Variants in DCBLD1 observed in about 807,000 individuals in gnomAD.
DCBLD1 encodes discoidin, CUB and LCCL domain containing 1.
DCBLD1 carries 57 observed loss-of-function variants against 71.5 expected under a neutral mutation model. The ratio of observed to expected loss-of-function variants is 0.80; its 90% CI spans 0.64 to 0.99. The LOEUF is 0.99. Ranked by LOEUF, DCBLD1 falls within the 50% of genes least tolerant of loss-of-function variation. The probability of loss-of-function intolerance (pLI) is 0.00; values close to 1 mark genes in which losing one functional copy is unlikely to be tolerated. For synonymous variants in DCBLD1, 380 were observed against 363.8 expected (o/e 1.04, Z -0.51); for missense variants, 891 against 923.5 (o/e 0.96, Z 0.46).
At chr6:117,569,798 C>T (rs1278174287) in exon 15 of DCBLD1, 5 of 1,444,126 alleles carry the variant, frequency 3.5e-6, no homozygotes, top group Non-Finnish European at 4.6e-6. Flanking sequence ...ACCGATTAAT[C>T]TAGAGATAAA....
intron 14 of DCBLD1, chr6:117,561,609 C>T (rs540125723): frequency 1.5e-5 from 3 of 204,968 alleles, no homozygotes; most frequent in African/African-American, 6.8e-5. Context: ...AAGAGGCCTA[C>T]CCTGTCAAGA....
At chr6:117,529,745 G>T (rs1159441210) in intron 5 of DCBLD1, among the ~76,000 whole-genome samples, 1 of 152,134 alleles carries the variant, frequency 6.6e-6, no homozygotes, top group African/African-American at 2.4e-5. Context: ...AGTGAGACTT[G>T]ATGGCTAGTC....
chr6:117,569,094 C>T (rs758258641), intron 14 of DCBLD1, among the ~76,000 whole-genome samples: 13 of 152,276 alleles, frequency 8.5e-5, no homozygotes, highest in Non-Finnish European at 1.8e-4. Flanking sequence ...TCGCTAAGAA[C>T]TTTAGTTTAC....
At chr6:117,538,190 T>TGG in intron 7 of DCBLD1, among the ~76,000 whole-genome samples, 1 of 152,214 alleles carries the variant, frequency 6.6e-6, no homozygotes, top group Non-Finnish European at 1.5e-5. Context: ...TTACTGATGT[T>TGG]CAGACGACTT....
intron 14 of DCBLD1, among the ~76,000 whole-genome samples, chr6:117,564,925 A>T (rs1779663826): frequency 1.3e-5 from 2 of 152,196 alleles, no homozygotes; most frequent in South Asian, 4.1e-4. Flanking sequence ...GCAACAGTTT[A>T]TCAGTTCACC....
downstream of DCBLD1, among the ~76,000 whole-genome samples, chr6:117,549,986 GT>G (rs2114582772): frequency 1.3e-5 from 2 of 152,336 alleles, no homozygotes; most frequent in South Asian, 4.1e-4. Flanking sequence ...GTTTCCTCAT[GT>G]TTGAAAATGG....
intron 12 of DCBLD1, 53 bp from the exon 13 acceptor site, chr6:117,544,475 A>G (rs1779199801): frequency 6.3e-7 from 1 of 1,584,020 alleles, no homozygotes; most frequent in African/African-American, 1.4e-5. Flanking sequence ...ATAGGGAGAG[A>G]GAGGCAGATA....
Position 117,558,355 on chromosome 6 carries a change from G to C in DCBLD1, c.1616-11265G>C, listed in dbSNP as rs1779522925. On this transcript the variant is annotated intron_variant, in intron 14 of 14. Coordinates refer to the DCBLD1 transcript ENST00000296955. ...ACCGGCCAACTCTGCTATTCTTGTA[G>C]ATGTTGTTCTCCCACATTTTTCAAA... Among the ~76,000 whole-genome samples the C allele has an allele frequency of 2.6e-5, 4 of 152,184 alleles. No individual in the cohort carries two copies. The South Asian group carries it at 8.3e-4, about 32-fold the overall frequency.
intron 1 of DCBLD1, among the ~76,000 whole-genome samples, chr6:117,483,905 A>C (rs980302788): frequency 1.3e-5 from 2 of 151,928 alleles, no homozygotes; most frequent in Non-Finnish European, 2.9e-5. Flanking sequence ...TTTTCACTGA[A>C]CTATGCCTCC....
chr6:117,563,011 G>A, intron 14 of DCBLD1: 1 of 465,060 alleles, frequency 2.2e-6, no homozygotes, highest in Non-Finnish European at 3.9e-6. Flanking sequence ...GGAAACACAT[G>A]CTTTGGTGCT....
At chr6:117,535,708 C>T (rs9320607) in intron 6 of DCBLD1, among the ~76,000 whole-genome samples, 6,327 of 152,010 alleles carry the variant, frequency 0.042, 275 homozygotes, top group African/African-American at 0.11. Context: ...TTCTTAGGGT[C>T]GCCGCAGCAT....
At chr6:117,494,589 G>GTT (rs370543568) in intron 1 of DCBLD1, among the ~76,000 whole-genome samples, 1 of 147,486 alleles carries the variant, frequency 6.8e-6, no homozygotes, top group South Asian at 2.1e-4. Flanking sequence ...GTACAAACAA[G>GTT]TTTTTTTTTT....
At chr6:117,506,510 TG>T (rs1777848659) in intron 2 of DCBLD1, among the ~76,000 whole-genome samples, 2 of 152,244 alleles carry the variant, frequency 1.3e-5, no homozygotes, top group African/African-American at 4.8e-5. Flanking sequence ...ATTTGTGTTG[TG>T]GCTACTTTAA....
At chr6:117,513,486 C>T (rs1048319392) in intron 2 of DCBLD1, among the ~76,000 whole-genome samples, 27 of 152,202 alleles carry the variant, frequency 1.8e-4, no homozygotes, top group African/African-American at 6.5e-4. Context: ...TTACATTCCA[C>T]AAAAGATAAA....
At chr6:117,534,064 C>T (rs1778808952) in intron 6 of DCBLD1, among the ~76,000 whole-genome samples, 1 of 152,204 alleles carries the variant, frequency 6.6e-6, no homozygotes, top group Non-Finnish European at 1.5e-5. Context: ...CCTACCATAA[C>T]CCTCCCATTT....
At position 117,525,431 on chromosome 6, in the gene DCBLD1, A is replaced by C. The variant is rs200146951; in HGVS notation, c.582A>C (p.Arg194Ser). Reference protein sequence around the residue: ...DISGNMVDGYRDTSLLCKAAI... With the variant: ...DISGNMVDGYSDTSLLCKAAI... ...CTGGGAATATGGTAGATGGATATAG[A>C]GATGTAAGTAATTGAGGGTAATGGC... The change falls in exon 5 of 15, where the codon AGA (arginine) becomes AGC (serine). Residue 194 changes from arginine (R) to serine (S), a missense_variant. Physicochemically the swap from Arg to Ser is moderately radical, Grantham distance 110 (BLOSUM62 -1). Transcript: ENST00000338728. The C allele has an allele frequency of 3.0e-5, 45 of 1,488,114 alleles. No individual in the cohort carries two copies. Among genetic ancestry groups the C allele is most frequent in the Non-Finnish European group, 3.5e-5 (39 of 1,116,472 alleles). 92.2% of individuals were successfully genotyped at this position (1,488,114 alleles called of 1,614,324 possible). A position where few individuals can be genotyped will look rare whatever the true frequency, so the allele number is the denominator to read the frequency against.
At chr6:117,523,779 CTG>C (rs1244501951) in intron 4 of DCBLD1, among the ~76,000 whole-genome samples, 3 of 152,162 alleles carry the variant, frequency 2.0e-5, no homozygotes, top group African/African-American at 7.2e-5. Context: ...CAGGAGGACA[CTG>C]AGAGGAAATG....
chr6:117,525,480 G>A (rs1778519123), intron 5 of DCBLD1, 46 bp downstream of exon 5: 7 of 1,358,098 alleles, frequency 5.2e-6, no homozygotes, highest in Non-Finnish European at 6.8e-6. Context: ...AAAGGAGTAA[G>A]TGCTTTACTC....
At chr6:117,500,798 G>A (rs562334265) in intron 1 of DCBLD1, among the ~76,000 whole-genome samples, 19 of 152,302 alleles carry the variant, frequency 1.2e-4, no homozygotes, top group African/African-American at 4.3e-4. Context: ...AGGAGGCAGA[G>A]GCTGCAGTAA....
Sources: gnomAD v4.1 joint callset for allele counts (sites outside exome capture counted in the v4.1 genomes callset) on GRCh38, gnomAD v4.1.1 for gene constraint, MANE v1.5 for transcripts, NCBI Gene and HGNC (gene_info 2026-07-23, HGNC 2026-07-21) for gene names.